The following ARID5B variants were observed in gnomAD, a reference collection of about 807,000 sequenced individuals.
The protein encoded by ARID5B is AT-rich interactive domain-containing protein 5B.
ARID5B carries 13 observed loss-of-function variants against 97.2 expected under a neutral mutation model. The observed-to-expected ratio is 0.13, with a 90% CI of 0.09 to 0.21. The LOEUF is 0.21. Among genes scored for constraint, ARID5B ranks in the 10% least tolerant of loss-of-function variants. The probability of loss-of-function intolerance (pLI) is 1.00; values close to 1 mark genes in which losing one functional copy is unlikely to be tolerated. For synonymous variants in ARID5B, 556 were observed against 570.3 expected (o/e 0.97, Z 0.36); for missense variants, 1,210 against 1,465.3 (o/e 0.83, Z 2.84).
intron 4 of ARID5B, among the ~76,000 whole-genome samples, chr10:62,019,045 C>T (rs1242372033): frequency 1.3e-5 from 2 of 152,118 alleles, no homozygotes; most frequent in Non-Finnish European, 2.9e-5. Flanking sequence ...TTGGAAGCTC[C>T]TTCCATCAAT....
chr10:62,027,012 T>C (rs1170387036), intron 4 of ARID5B, among the ~76,000 whole-genome samples: 1 of 152,146 alleles, frequency 6.6e-6, no homozygotes, highest in African/African-American at 2.4e-5. Flanking sequence ...AGATGAAACA[T>C]ATGCATGACA....
intron 3 of ARID5B, among the ~76,000 whole-genome samples, chr10:61,982,298 A>G (rs1336627356): frequency 6.6e-6 from 1 of 152,200 alleles, no homozygotes; most frequent in Non-Finnish European, 1.5e-5. Context: ...GACACCCCAG[A>G]ACCGAGCTAG....
intron 5 of ARID5B, among the ~76,000 whole-genome samples, chr10:62,051,730 TG>T (rs1214008799): frequency 6.6e-6 from 1 of 152,222 alleles, no homozygotes; most frequent in Non-Finnish European, 1.5e-5. Flanking sequence ...CTGACTTTTG[TG>T]GGCTTGGGTC....
In ARID5B at chr10:61,999,976, A is replaced by G. The variant is rs143326734; in HGVS notation, c.503-115A>G. The stretch of plus-strand genomic sequence containing the variant: ...TGCTGGCATCCCCCAGACTGTAACA[A>G]GGATGAGAGTCTTTTTAGTCCCAAA... On this transcript the variant is annotated intron_variant, in intron 3 of 9. Transcript: ENST00000279873. The G allele has an allele frequency of 2.9e-3, 2,933 of 1,023,014 alleles. 26 individuals carry two copies. Among genetic ancestry groups the G allele is most frequent in the Middle Eastern group, 0.025 (119 of 4,744 alleles). 63.4% of individuals were successfully genotyped at this position (1,023,014 alleles called of 1,614,324 possible).
intron 2 of ARID5B, among the ~76,000 whole-genome samples, chr10:61,910,111 G>T (rs954767692): frequency 1.3e-5 from 2 of 152,140 alleles, no homozygotes; most frequent in Non-Finnish European, 2.9e-5. Context: ...CCTCACAATT[G>T]TAAGCAATTA....
intron 4 of ARID5B, among the ~76,000 whole-genome samples, chr10:62,015,082 T>C (rs1383821644): frequency 1.3e-5 from 2 of 152,232 alleles, no homozygotes; most frequent in African/African-American, 4.8e-5. Context: ...ATAATGACAT[T>C]AGATCATACC....
At chr10:61,971,977 AGGT>A (rs1838634143) in intron 3 of ARID5B, among the ~76,000 whole-genome samples, 2 of 152,116 alleles carry the variant, frequency 1.3e-5, no homozygotes, top group Admixed American at 1.3e-4. Context: ...AACTTATATG[AGGT>A]TATTTTCTTT....
At chr10:61,955,427 G>T (rs190206920) in intron 3 of ARID5B, among the ~76,000 whole-genome samples, 2 of 152,302 alleles carry the variant, frequency 1.3e-5, no homozygotes, top group East Asian at 3.9e-4. Context: ...CTTAAAGGAG[G>T]TGGGGATGGA....
intron 4 of ARID5B, among the ~76,000 whole-genome samples, chr10:62,030,449 A>G (rs1177614252): frequency 6.6e-6 from 1 of 152,094 alleles, no homozygotes; most frequent in African/African-American, 2.4e-5. Context: ...TATTTTAAGT[A>G]AGGAACCGCA....
intron 2 of ARID5B, among the ~76,000 whole-genome samples, chr10:61,926,099 G>A (rs1172541134): frequency 1.3e-5 from 2 of 152,158 alleles, no homozygotes; most frequent in South Asian, 2.1e-4. Flanking sequence ...TTAAATCTTA[G>A]CACATACTTC....
At chr10:61,924,621 A>T in intron 2 of ARID5B, among the ~76,000 whole-genome samples, 1 of 152,210 alleles carries the variant, frequency 6.6e-6, no homozygotes, top group Non-Finnish European at 1.5e-5. Context: ...AGTGTGTCTA[A>T]ATCATATGTT....
chr10:62,063,798 T>C (rs1054194581), intron 7 of ARID5B, among the ~76,000 whole-genome samples: 14 of 152,242 alleles, frequency 9.2e-5, no homozygotes, highest in Admixed American at 6.5e-4. Flanking sequence ...TAGAGCTGGA[T>C]AAATCTTTGC....
chr10:62,022,066 G>A (rs1839363574), intron 4 of ARID5B, among the ~76,000 whole-genome samples: 1 of 151,404 alleles, frequency 6.6e-6, no homozygotes, highest in African/African-American at 2.5e-5. Flanking sequence ...CTGTCCCCCT[G>A]TCCCATGTTC....
Position 62,056,071 on chromosome 10 carries a change from T to TCC in ARID5B, c.847-1042_847-1041dup, listed in dbSNP as rs538773839. 1.6e-3 allele frequency among the ~76,000 whole-genome samples: 247 copies of TCC among 152,180 alleles called. 1 individual carries two copies. Among genetic ancestry groups the TCC allele is most frequent in the African/African-American group, 5.8e-3 (241 of 41,500 alleles). ...AACTCAGAGTCTGACCCTTTGTACT[T>TCC]CCCCCTTTTACAATTAAAATAGCTC... On this transcript the variant is annotated intron_variant, in intron 5 of 9. Coordinates refer to ENST00000279873, the MANE Select transcript of ARID5B (RefSeq NM_032199.3).
At chr10:61,933,258 T>C (rs947029042) in intron 2 of ARID5B, among the ~76,000 whole-genome samples, 2 of 152,200 alleles carry the variant, frequency 1.3e-5, no homozygotes, top group Admixed American at 6.5e-5. Context: ...ATTCTAGTTA[T>C]CTTATTGTTT....
chr10:62,033,873 A>G (rs1316217975), intron 4 of ARID5B, among the ~76,000 whole-genome samples: 1 of 152,202 alleles, frequency 6.6e-6, no homozygotes, highest in Non-Finnish European at 1.5e-5. Context: ...GACTTGCCCG[A>G]GGTCATATAG....
chr10:62,016,164 G>A (rs561902974), intron 4 of ARID5B, among the ~76,000 whole-genome samples: 8 of 152,256 alleles, frequency 5.3e-5, no homozygotes, highest in South Asian at 2.1e-4. Context: ...CATGTGCAGC[G>A]CTCAGCCTGT....
At chr10:61,977,772 T>G (rs1403685028) in intron 3 of ARID5B, among the ~76,000 whole-genome samples, 1 of 152,244 alleles carries the variant, frequency 6.6e-6, no homozygotes, top group Admixed American at 6.5e-5. Flanking sequence ...CTTTGTCAGA[T>G]GAGTAGGTTG....
chr10:61,952,731 TG>T (rs1194234726), intron 3 of ARID5B, among the ~76,000 whole-genome samples: 2 of 152,194 alleles, frequency 1.3e-5, no homozygotes, highest in Non-Finnish European at 2.9e-5. Flanking sequence ...TAACTATTCT[TG>T]GTCTAATTAG....
Sources: allele counts gnomAD v4.1 joint callset (sites outside exome capture counted in the v4.1 genomes callset), GRCh38; gene constraint gnomAD v4.1.1; transcripts MANE v1.5; gene names NCBI Gene and HGNC (gene_info 2026-07-23, HGNC 2026-07-21).